Variants in KIF18A observed in about 807,000 individuals in gnomAD.
KIF18A encodes kinesin family member 18A.
KIF18A carries 67 observed loss-of-function variants against 103.3 expected under a neutral mutation model. That is an observed-to-expected ratio of 0.65 (90% confidence interval 0.53 to 0.79). The LOEUF (loss-of-function observed/expected upper bound fraction) is 0.79, where lower values mean the gene tolerates loss of function less well. Among genes scored for constraint, KIF18A ranks in the 30% least tolerant of loss-of-function variants. KIF18A has a pLI of 0.00. For missense variants in KIF18A, 1,032 were observed against 1,062.5 expected (o/e 0.97, Z 0.40); for synonymous variants, 367 against 355.5 (o/e 1.03, Z -0.36).
chr11:28,089,088 G>C (rs903763786), intron 5 of KIF18A, among the ~76,000 whole-genome samples: 1 of 152,140 alleles, frequency 6.6e-6, no homozygotes, highest in Non-Finnish European at 1.5e-5. Flanking sequence ...CTACTCGTTA[G>C]AATGCCTTGT....
chr11:28,088,077 A>AC (rs34894976), intron 6 of KIF18A, among the ~76,000 whole-genome samples: 8 of 151,244 alleles, frequency 5.3e-5, no homozygotes, highest in Admixed American at 4.6e-4. Context: ...TATAACTTAA[A>AC]CCCCCCTTAA....
intron 13 of KIF18A, 143 bp from the exon 14 acceptor site, chr11:28,036,807 G>T: frequency 1.9e-6 from 1 of 513,110 alleles, no homozygotes; most frequent in Non-Finnish European, 3.3e-6. Context: ...AGTTGGAAAG[G>T]AAAATATCAC....
At position 28,045,754 on chromosome 11, in the gene KIF18A, G is replaced by GTATAGCA. The variant is rs1850623697; in HGVS notation, c.1949-9097_1949-9091dup. ...AACACTAATGAATCAAGAAACAGCAGTATAGCATACTGTTTAGAAATATTG... is the reference window on the plus strand; with the variant it reads ...AACACTAATGAATCAAGAAACAGCAGTATAGCATATAGCATACTGTTTAGAAATATTG... On this transcript the variant is annotated intron_variant, in intron 13 of 16. Transcript: ENST00000263181. Among the ~76,000 whole-genome samples, 3 of 151,902 alleles carry GTATAGCA rather than the reference G, an allele frequency of 2.0e-5. No homozygotes were observed. In the South Asian group the frequency reaches 6.3e-4, roughly 32 times the overall value.
chr11:28,081,135 G>C (rs1244649966), intron 9 of KIF18A, among the ~76,000 whole-genome samples: 1 of 152,152 alleles, frequency 6.6e-6, no homozygotes, highest in Non-Finnish European at 1.5e-5. Context: ...AAGAAAAAAA[G>C]CCTTCTCTAG....
chr11:28,068,836 T>A (rs1198872303), intron 11 of KIF18A, among the ~76,000 whole-genome samples: 1 of 151,350 alleles, frequency 6.6e-6, no homozygotes, highest in African/African-American at 2.5e-5. Context: ...CAGAACATAA[T>A]TCTAATATGA....
At chr11:28,077,848 T>C (rs1284555125) in intron 9 of KIF18A, among the ~76,000 whole-genome samples, 1 of 152,116 alleles carries the variant, frequency 6.6e-6, no homozygotes, top group African/African-American at 2.4e-5. Flanking sequence ...CTAAGGGCAA[T>C]GTAGGTCTAG....
chr11:28,073,445 C>G (rs1565084023), intron 10 of KIF18A, among the ~76,000 whole-genome samples: 1 of 152,108 alleles, frequency 6.6e-6, no homozygotes, highest in Non-Finnish European at 1.5e-5. Flanking sequence ...CTATAGCATT[C>G]ACGGTACTTA....
In KIF18A at chr11:28,088,647, G is replaced by A; in HGVS notation, c.774C>T (p.Asp258=). The part of the protein sequence containing the change: ...NVRIAKMSLI[D]LAGSERASTS... Reference sequence around the variant, plus strand: ...TACTTGCTCGCTCAGATCCTGCCAGGTCAATGAGTGACATCTTGGCAATAC... The same window carrying A: ...TACTTGCTCGCTCAGATCCTGCCAGATCAATGAGTGACATCTTGGCAATAC... The change falls in exon 6 of 17, where the codon GAC becomes GAT. Residue 258 remains aspartate (D), a synonymous_variant. Transcript: ENST00000263181. The A allele has an allele frequency of 6.2e-7, 1 of 1,613,990 alleles. No homozygotes were observed. Among genetic ancestry groups the A allele is most frequent in the Non-Finnish European group, 8.5e-7 (1 of 1,179,946 alleles).
intron 13 of KIF18A, among the ~76,000 whole-genome samples, chr11:28,040,218 G>A (rs1187199592): frequency 6.6e-6 from 1 of 151,664 alleles, no homozygotes; most frequent in Non-Finnish European, 1.5e-5. Context: ...CTTTATGTGG[G>A]TATGGCAAGT....
chr11:28,070,898 T>C (rs1025215633), intron 10 of KIF18A, among the ~76,000 whole-genome samples: 1 of 152,010 alleles, frequency 6.6e-6, no homozygotes, highest in Non-Finnish European at 1.5e-5. Flanking sequence ...AAAAATAAAT[T>C]TAGGCTGGTT....
At chr11:28,044,381 G>T (rs1342315959) in intron 13 of KIF18A, among the ~76,000 whole-genome samples, 1 of 152,088 alleles carries the variant, frequency 6.6e-6, no homozygotes, top group African/African-American at 2.4e-5. Context: ...GGTTCCCCCA[G>T]ATTGACTAGT....
chr11:28,041,062 A>C (rs577712018), intron 13 of KIF18A, among the ~76,000 whole-genome samples: 12 of 151,906 alleles, frequency 7.9e-5, no homozygotes, highest in African/African-American at 2.2e-4. Flanking sequence ...GCAACAATCT[A>C]AAAGGAGTAC....
chr11:28,023,897 T>C, intron 15 of KIF18A, 47 bp from the exon 16 acceptor site: 1 of 963,830 alleles, frequency 1.0e-6, no homozygotes, highest in Non-Finnish European at 1.7e-6. Flanking sequence ...TTTTTATACC[T>C]CAAAGTTCTA....
intron 6 of KIF18A, among the ~76,000 whole-genome samples, chr11:28,086,533 A>G (rs1851230765): frequency 6.6e-6 from 1 of 152,246 alleles, no homozygotes; most frequent in East Asian, 1.9e-4. Flanking sequence ...GCTAAAAGCA[A>G]CCTAATGTTA....
chr11:28,049,393 G>A (rs963200045), intron 13 of KIF18A, among the ~76,000 whole-genome samples: 1 of 151,916 alleles, frequency 6.6e-6, no homozygotes, highest in Non-Finnish European at 1.5e-5. Context: ...ATCTTTTGAT[G>A]TGCCATATCA....
chr11:28,090,839 T>C (rs951444256), intron 4 of KIF18A, 112 bp from the exon 5 acceptor site: 1 of 628,286 alleles, frequency 1.6e-6, no homozygotes, highest in Non-Finnish European at 2.8e-6. Context: ...ATGTTTTCTA[T>C]AAATTCAATC....
At chr11:28,056,891 T>TAAA in intron 13 of KIF18A, 1 of 377,522 alleles carries the variant, frequency 2.6e-6, no homozygotes, top group East Asian at 1.3e-4. Flanking sequence ...TTAGCTCACA[T>TAAA]AAGAAAAATG....
At chr11:28,022,365 C>T (rs1204893436) in intron 16 of KIF18A, among the ~76,000 whole-genome samples, 2 of 151,584 alleles carry the variant, frequency 1.3e-5, no homozygotes, top group South Asian at 2.1e-4. Flanking sequence ...CCCAGGTTCA[C>T]GCCATTCTCC....
At chr11:28,033,686 A>G (rs758828119) in intron 15 of KIF18A, among the ~76,000 whole-genome samples, 4 of 151,706 alleles carry the variant, frequency 2.6e-5, no homozygotes, top group Non-Finnish European at 5.9e-5. Context: ...GATAGAGAGT[A>G]GAATGATGGT....
Sources: allele counts gnomAD v4.1 joint callset (sites outside exome capture counted in the v4.1 genomes callset), GRCh38; gene constraint gnomAD v4.1.1; transcripts MANE v1.5; gene names NCBI Gene and HGNC (gene_info 2026-07-23, HGNC 2026-07-21).